The following SETBP1 variants were observed in gnomAD, a reference collection of about 807,000 sequenced individuals.
SETBP1 encodes the protein SET binding protein 1, also known as SET-binding protein.
Under a neutral mutation model 101.0 loss-of-function variants are expected in SETBP1, and 9 were observed. That is an observed-to-expected ratio of 0.09 (90% confidence interval 0.05 to 0.16). The LOEUF is 0.16. Among genes scored for constraint, SETBP1 ranks in the 10% least tolerant of loss-of-function variants. SETBP1 has a pLI of 1.00. For synonymous variants in SETBP1, 818 were observed against 788.5 expected, an observed-to-expected ratio of 1.04 and a Z score of -0.63; for missense variants, 1,858 against 2,033.8, an observed-to-expected ratio of 0.91 and a Z score of 1.66.
chr18:44,892,962 A>G (rs1435453194), intron 3 of SETBP1, among the ~76,000 whole-genome samples: 1 of 152,158 alleles, frequency 6.6e-6, no homozygotes, highest in Non-Finnish European at 1.5e-5. Flanking sequence ...CTTTAATAAC[A>G]GTATATTAAA....
chr18:44,897,481 C>T (rs1008074559), intron 3 of SETBP1, among the ~76,000 whole-genome samples: 5 of 152,126 alleles, frequency 3.3e-5, no homozygotes, highest in Admixed American at 6.5e-5. Context: ...GTTACAAATT[C>T]GTATTCCTCC....
In SETBP1 at chr18:44,856,646, A is replaced by G. The variant is rs559020075; in HGVS notation, c.487-12584A>G. Among the ~76,000 whole-genome samples the G allele has an allele frequency of 2.6e-5, 4 of 152,330 alleles. No homozygotes were observed. The South Asian group carries it at 6.2e-4, about 24-fold the overall frequency. On this transcript the variant is annotated intron_variant, in intron 2 of 5. Coordinates refer to ENST00000649279, the MANE Select transcript of SETBP1 (RefSeq NM_015559.3). ...AATGCCTGCCATTTGCACTCAATAG[A>G]TTGAAAGGGTAAATATTTAAAGCAG... is the stretch of plus-strand genomic sequence containing the variant.
chr18:44,825,367 C>A lies in SETBP1; in HGVS notation c.487-43863C>A, dbSNP rs538082040. 5.3e-5 allele frequency among the ~76,000 whole-genome samples: 8 copies of A among 152,264 alleles called. No homozygotes were observed. The South Asian group carries it at 1.7e-3, about 32-fold the overall frequency. ...AAGAGAAGGGATCCATCTTATATGA[C>A]AGTTTTTGTTTAACCGAGAGCACAG... On this transcript the variant is annotated intron_variant, in intron 2 of 5. Coordinates refer to ENST00000649279, the MANE Select transcript of SETBP1 (RefSeq NM_015559.3).
At chr18:44,877,811 G>A (rs1599264421) in intron 3 of SETBP1, among the ~76,000 whole-genome samples, 1 of 152,158 alleles carries the variant, frequency 6.6e-6, no homozygotes, top group East Asian at 1.9e-4. Context: ...GGAGAAAGAA[G>A]TTCTCCAGGT....
intron 3 of SETBP1, among the ~76,000 whole-genome samples, chr18:44,896,594 G>A (rs1000743409): frequency 2.0e-5 from 3 of 152,080 alleles, no homozygotes; most frequent in African/African-American, 7.2e-5. Flanking sequence ...CTGGGTTCAA[G>A]CAATTCTGCC....
chr18:44,839,903 G>A (rs1375565461), intron 2 of SETBP1, among the ~76,000 whole-genome samples: 1 of 152,230 alleles, frequency 6.6e-6, no homozygotes, highest in African/African-American at 2.4e-5. Flanking sequence ...GGAAGAGCAG[G>A]TGGAGAACAA....
intron 4 of SETBP1, among the ~76,000 whole-genome samples, chr18:44,989,982 A>G: frequency 6.6e-6 from 1 of 150,784 alleles, no homozygotes; most frequent in African/African-American, 2.4e-5. Flanking sequence ...ACAAACAATC[A>G]TTAGGTTTTT....
intron 1 of SETBP1, among the ~76,000 whole-genome samples, chr18:44,683,301 G>C (rs1452957053): frequency 3.3e-5 from 5 of 152,208 alleles, no homozygotes; most frequent in African/African-American, 9.6e-5. Context: ...TCTGGTCATG[G>C]ACTTGCCTTG....
At chr18:44,966,490 A>G (rs901468867) in intron 4 of SETBP1, among the ~76,000 whole-genome samples, 4 of 152,062 alleles carry the variant, frequency 2.6e-5, no homozygotes, top group African/African-American at 9.7e-5. Context: ...TTCAGTGCTT[A>G]TTTTTATATG....
At chr18:44,839,195 T>G (rs558310353) in intron 2 of SETBP1, among the ~76,000 whole-genome samples, 1 of 152,186 alleles carries the variant, frequency 6.6e-6, no homozygotes, top group Non-Finnish European at 1.5e-5. Flanking sequence ...CAGCTGGCAG[T>G]GTCTTAAACA....
At chr18:45,043,627 T>A (rs1315241565) in intron 5 of SETBP1, among the ~76,000 whole-genome samples, 1 of 152,188 alleles carries the variant, frequency 6.6e-6, no homozygotes, top group East Asian at 1.9e-4. Flanking sequence ...CCAGAGCCCA[T>A]GAATAAGTAA....
In SETBP1 at chr18:44,941,065, T is replaced by A. The variant is rs180838316; in HGVS notation, c.541-8816T>A. ...GTCTTCTTGTTTATATTCTAATTAA[T>A]GAGAAGTCAGACTTTTTTTTTTTTT... On this transcript the variant is annotated intron_variant, in intron 3 of 5. Coordinates refer to ENST00000649279, the MANE Select transcript of SETBP1 (RefSeq NM_015559.3). Among the ~76,000 whole-genome samples, 16 of 149,450 alleles carry A rather than the reference T, an allele frequency of 1.1e-4. 1 individual carries two copies. The highest frequency in any genetic ancestry group is 3.9e-4 in the African/African-American group (16 of 40,794).
chr18:44,854,583 C>T (rs1037328344), intron 2 of SETBP1, among the ~76,000 whole-genome samples: 1 of 152,172 alleles, frequency 6.6e-6, no homozygotes, highest in African/African-American at 2.4e-5. Context: ...TACCACCTAC[C>T]CACTCCAATC....
intron 3 of SETBP1, among the ~76,000 whole-genome samples, chr18:44,917,753 G>A (rs2070471467): frequency 1.3e-5 from 2 of 152,160 alleles, no homozygotes; most frequent in East Asian, 1.9e-4. Flanking sequence ...GCTGTGAGGT[G>A]CCCTGGAGCT....
At chr18:44,802,684 T>A (rs1264164142) in intron 2 of SETBP1, among the ~76,000 whole-genome samples, 1 of 152,160 alleles carries the variant, frequency 6.6e-6, no homozygotes, top group Non-Finnish European at 1.5e-5. Context: ...GGAATGCCTA[T>A]GTGTGGTTTG....
At chr18:44,725,099 C>T (rs1024922126) in intron 2 of SETBP1, among the ~76,000 whole-genome samples, 1 of 152,074 alleles carries the variant, frequency 6.6e-6, no homozygotes, top group Non-Finnish European at 1.5e-5. Context: ...AGTAGCTGCC[C>T]ATAGAGTTAC....
Position 44,936,565 on chromosome 18 carries a change from G to A in SETBP1, c.541-13316G>A, listed in dbSNP as rs141096140. 7.8e-4 allele frequency among the ~76,000 whole-genome samples: 119 copies of A among 152,090 alleles called. 1 individual carries two copies. The highest frequency in any genetic ancestry group is 4.1e-4 in the African/African-American group (17 of 41,480). ...TTTCCCCTACCAGTACACATGTCTC[G>A]ACCACGGGGAAGCCCCTGGAAGCCT... On this transcript the variant is annotated intron_variant, in intron 3 of 5. Coordinates refer to ENST00000649279, the MANE Select transcript of SETBP1 (RefSeq NM_015559.3).
intron 2 of SETBP1, chr18:44,732,458 GAAGACGTTAGTCAAAAC>G (rs1369344385): frequency 2.0e-5 from 3 of 152,178 alleles, no homozygotes; most frequent in African/African-American, 7.2e-5. Flanking sequence ...ATATATAAGT[GAAGACGTTAGTCAAAAC>G]AAGACGTTAG....
In SETBP1 at chr18:44,925,772, G is replaced by GT. The variant is rs549181967; in HGVS notation, c.541-24101dup. Among the ~76,000 whole-genome samples, 804 of 152,122 alleles carry GT rather than the reference G, an allele frequency of 5.3e-3. 6 individuals are homozygous for GT. The highest frequency in any genetic ancestry group is 0.02 in the Middle Eastern group (6 of 294). On this transcript the variant is annotated intron_variant, in intron 3 of 5. Coordinates refer to ENST00000649279, the MANE Select transcript of SETBP1 (RefSeq NM_015559.3). The stretch of plus-strand genomic sequence containing the variant: ...AACAGCAATAACCTCCATTTATATA[G>GT]TTTTTTTTGGTTTCCAAAATGTTTT...
Sources: allele counts gnomAD v4.1 joint callset (sites outside exome capture counted in the v4.1 genomes callset), GRCh38; gene constraint gnomAD v4.1.1; transcripts MANE v1.5; gene names NCBI Gene and HGNC (gene_info 2026-07-23, HGNC 2026-07-21).